Variants in ANKS1B observed in about 807,000 individuals in gnomAD.
ANKS1B encodes ankyrin repeat and sterile alpha motif domain-containing protein 1B.
ANKS1B carries 36 observed loss-of-function variants against 148.3 expected under a neutral mutation model. The ratio of observed to expected loss-of-function variants is 0.24; its 90% CI spans 0.19 to 0.32. ANKS1B has a LOEUF of 0.32. Ranked by LOEUF, ANKS1B falls within the 10% of genes least tolerant of loss-of-function variation. The pLI is 1.00. For synonymous variants in ANKS1B, 542 were observed against 560.8 expected (o/e 0.97, Z 0.47); for missense variants, 1,157 against 1,542.6 (o/e 0.75, Z 4.19).
intron 25 of ANKS1B, among the ~76,000 whole-genome samples, chr12:98,765,651 C>T (rs187221338): frequency 2.6e-4 from 40 of 152,082 alleles, no homozygotes; most frequent in Admixed American, 1.3e-3. Context: ...CTGTAACCTC[C>T]GCCTCCCAGG....
intron 14 of ANKS1B, among the ~76,000 whole-genome samples, chr12:99,208,300 C>G (rs1452379343): frequency 6.6e-6 from 1 of 152,074 alleles, no homozygotes; most frequent in African/African-American, 2.4e-5. Context: ...TCTGGTTAAA[C>G]TAATGACTAT....
At chr12:99,098,077 C>A (rs904364234) in intron 15 of ANKS1B, among the ~76,000 whole-genome samples, 1 of 152,122 alleles carries the variant, frequency 6.6e-6, no homozygotes, top group African/African-American at 2.4e-5. Flanking sequence ...TAACTGCAGG[C>A]CAGACACTGT....
At chr12:99,336,895 TG>T (rs2088996141) in intron 12 of ANKS1B, among the ~76,000 whole-genome samples, 2 of 152,128 alleles carry the variant, frequency 1.3e-5, no homozygotes, top group Non-Finnish European at 2.9e-5. Flanking sequence ...CTCCATTGAA[TG>T]TTATTTGTTT....
intron 9 of ANKS1B, among the ~76,000 whole-genome samples, chr12:99,535,090 C>A (rs1008448058): frequency 2.6e-5 from 4 of 152,076 alleles, no homozygotes; most frequent in African/African-American, 9.7e-5. Context: ...CTTTAATAAC[C>A]AACCACTAGT....
intron 10 of ANKS1B, among the ~76,000 whole-genome samples, chr12:99,487,639 T>C (rs1368206800): frequency 6.6e-6 from 1 of 152,110 alleles, no homozygotes; most frequent in African/African-American, 2.4e-5. Context: ...TTTTCAAATA[T>C]AATGTGATTT....
chr12:99,377,093 C>T (rs535601887), intron 12 of ANKS1B, among the ~76,000 whole-genome samples: 8 of 152,004 alleles, frequency 5.3e-5, no homozygotes, highest in East Asian at 3.9e-4. Context: ...CTGCAACTTC[C>T]GCCTCCCAGG....
At chr12:99,282,821 G>A (rs549175552) in intron 12 of ANKS1B, among the ~76,000 whole-genome samples, 2 of 152,176 alleles carry the variant, frequency 1.3e-5, no homozygotes, top group Admixed American at 6.5e-5. Context: ...CATTTAAAGG[G>A]TGAAATGCCT....
intron 9 of ANKS1B, among the ~76,000 whole-genome samples, chr12:99,585,407 C>T (rs539505035): frequency 1.3e-5 from 2 of 152,202 alleles, no homozygotes; most frequent in African/African-American, 2.4e-5. Context: ...GTACAGCCCC[C>T]CTCCCGGCTA....
chr12:99,384,048 T>C (rs2152521446), intron 12 of ANKS1B, among the ~76,000 whole-genome samples: 1 of 152,102 alleles, frequency 6.6e-6, no homozygotes, highest in Admixed American at 6.5e-5. Flanking sequence ...GAGAAATTGC[T>C]GGTATAACGT....
chr12:99,515,600 A>C (rs544361679), intron 9 of ANKS1B, among the ~76,000 whole-genome samples: 1 of 151,986 alleles, frequency 6.6e-6, no homozygotes, highest in Non-Finnish European at 1.5e-5. Context: ...ATTGCTTCCA[A>C]ATTTTTCTAT....
intron 1 of ANKS1B, among the ~76,000 whole-genome samples, chr12:99,963,080 T>C (rs1353106541): frequency 6.6e-6 from 1 of 152,206 alleles, no homozygotes; most frequent in Non-Finnish European, 1.5e-5. Context: ...CCCAAAGTGC[T>C]GGGATTACAG....
chr12:98,846,050 C>A lies in ANKS1B; in HGVS notation c.2779-13914G>T, dbSNP rs186794855. 3.5e-3 allele frequency among the ~76,000 whole-genome samples: 486 copies of A among 138,496 alleles called. 1 individual carries two copies. The highest frequency in any genetic ancestry group is 7.5e-3 in the Admixed American group (104 of 13,854). The allele number at this position is 138,496 out of a possible 152,430, so 90.9% of individuals were successfully genotyped here. ...CATATATATATATGTATATTTTGTT[C>A]TTTCCTGCCTAAGGGTGGTTTATTG... is the stretch of plus-strand genomic sequence containing the variant. On this transcript the variant is annotated intron_variant, in intron 17 of 26. Coordinates refer to ENST00000683438, the MANE Select transcript of ANKS1B (RefSeq NM_001352186.2).
At chr12:99,264,077 T>C (rs2076198485) in intron 12 of ANKS1B, among the ~76,000 whole-genome samples, 1 of 152,144 alleles carries the variant, frequency 6.6e-6, no homozygotes, top group South Asian at 2.1e-4. Context: ...TTAATATCTA[T>C]CTAGATTCTT....
chr12:99,776,080 C>A (rs369405440), intron 6 of ANKS1B, among the ~76,000 whole-genome samples: 1 of 152,172 alleles, frequency 6.6e-6, no homozygotes, highest in South Asian at 2.1e-4. Context: ...GATACCACAA[C>A]CAGCCAGGTA....
Position 99,440,494 on chromosome 12 carries a change from G to C in ANKS1B, c.1575+3179C>G, listed in dbSNP as rs546780378. On this transcript the variant is annotated intron_variant, in intron 11 of 26. Transcript: ENST00000683438. ...GGTTAATATACTGGAGAGAAACAAAGAGAAAAGAGTAATAACCATTTCAGT... is the reference window on the plus strand; with the variant it reads ...GGTTAATATACTGGAGAGAAACAAACAGAAAAGAGTAATAACCATTTCAGT... Among the ~76,000 whole-genome samples the C allele has an allele frequency of 1.4e-3, 213 of 151,462 alleles. 1 individual carries two copies. The highest frequency in any genetic ancestry group is 4.9e-3 in the African/African-American group (201 of 41,406).
At position 99,094,751 on chromosome 12, in the gene ANKS1B, G is replaced by A. The variant is rs114404337; in HGVS notation, c.2527-9728C>T. 6.8e-3 allele frequency among the ~76,000 whole-genome samples: 1,040 copies of A among 152,284 alleles called. 12 individuals carry two copies. Among genetic ancestry groups the A allele is most frequent in the African/African-American group, 0.023 (974 of 41,560 alleles). ...GTGACTGAGGGGGACGAAGACCTGG[G>A]AAAGAAACGCAGGAAATAAGACAAT... On this transcript the variant is annotated intron_variant, in intron 15 of 26. Transcript: ENST00000683438.
At chr12:99,588,231 A>C (rs968390325) in intron 9 of ANKS1B, among the ~76,000 whole-genome samples, 4 of 152,160 alleles carry the variant, frequency 2.6e-5, no homozygotes, top group African/African-American at 9.7e-5. Flanking sequence ...TCTTAGAATT[A>C]ATAAACTGTC....
chr12:99,752,375 T>C (rs999069557), intron 8 of ANKS1B, among the ~76,000 whole-genome samples: 4 of 151,960 alleles, frequency 2.6e-5, no homozygotes, highest in Non-Finnish European at 4.4e-5. Flanking sequence ...TGGTAATATA[T>C]CTGTTTTACC....
At chr12:99,487,623 G>GATAA (rs2096509487) in intron 10 of ANKS1B, among the ~76,000 whole-genome samples, 1 of 148,914 alleles carries the variant, frequency 6.7e-6, no homozygotes, top group African/African-American at 2.4e-5. Flanking sequence ...TATGGGGGGG[G>GATAA]GACATTTTTC....
Sources: allele counts gnomAD v4.1 joint callset (sites outside exome capture counted in the v4.1 genomes callset), GRCh38; gene constraint gnomAD v4.1.1; transcripts MANE v1.5; gene names NCBI Gene and HGNC (gene_info 2026-07-23, HGNC 2026-07-21).